Variants in MLLT3 observed in about 807,000 individuals in gnomAD.
MLLT3 encodes the protein protein AF-9.
MLLT3 carries 4 observed loss-of-function variants against 53.2 expected under a neutral mutation model. The observed-to-expected ratio is 0.08, with a 90% confidence interval of 0.04 to 0.17. The LOEUF (loss-of-function observed/expected upper bound fraction) is 0.17. Ranked by LOEUF, MLLT3 falls within the 10% of genes least tolerant of loss-of-function variation. The probability of loss-of-function intolerance (pLI) is 1.00; values close to 1 mark genes in which losing one functional copy is unlikely to be tolerated. For missense variants in MLLT3, 569 were observed against 684.0 expected (o/e 0.83, Z 1.87); for synonymous variants, 283 against 230.6 (o/e 1.23, Z -2.06).
intron 8 of MLLT3, among the ~76,000 whole-genome samples, chr9:20,358,043 G>A (rs1449967818): frequency 1.3e-5 from 2 of 149,476 alleles, no homozygotes; most frequent in Non-Finnish European, 2.9e-5. Flanking sequence ...AGTCATTCCA[G>A]AGTGAAATTT....
At chr9:20,582,775 C>G (rs891049684) in intron 2 of MLLT3, among the ~76,000 whole-genome samples, 3 of 152,136 alleles carry the variant, frequency 2.0e-5, no homozygotes, top group African/African-American at 7.2e-5. Context: ...GAGAATAACA[C>G]AGGAAAGACC....
At chr9:20,393,476 A>G (rs1450215084) in intron 5 of MLLT3, among the ~76,000 whole-genome samples, 2 of 152,194 alleles carry the variant, frequency 1.3e-5, no homozygotes, top group African/African-American at 4.8e-5. Context: ...TTAGAACGCT[A>G]TCTTTAACTG....
At chr9:20,406,454 A>G (rs1408951753) in intron 5 of MLLT3, among the ~76,000 whole-genome samples, 1 of 152,244 alleles carries the variant, frequency 6.6e-6, no homozygotes, top group Non-Finnish European at 1.5e-5. Context: ...CAAACCATTA[A>G]ACACATCTAG....
At chr9:20,580,923 C>A (rs933386034) in intron 2 of MLLT3, among the ~76,000 whole-genome samples, 1 of 152,204 alleles carries the variant, frequency 6.6e-6, no homozygotes, top group African/African-American at 2.4e-5. Context: ...CCTCTGTCAA[C>A]ATATTTTGTT....
intron 2 of MLLT3, among the ~76,000 whole-genome samples, chr9:20,552,897 A>T (rs1364384109): frequency 6.6e-6 from 1 of 152,156 alleles, no homozygotes. Context: ...TAAAGGTACA[A>T]CCTAAATGTT....
intron 2 of MLLT3, among the ~76,000 whole-genome samples, chr9:20,603,934 A>C (rs1289473215): frequency 6.6e-6 from 1 of 152,098 alleles, no homozygotes; most frequent in East Asian, 1.9e-4. Context: ...AATTTGCCTC[A>C]ATAGTTTTCA....
At chr9:20,523,303 C>T (rs964909755) in intron 2 of MLLT3, among the ~76,000 whole-genome samples, 1 of 152,234 alleles carries the variant, frequency 6.6e-6, no homozygotes, top group Non-Finnish European at 1.5e-5. Flanking sequence ...CTTTGGAAGA[C>T]ATTTGGCAGT....
intron 2 of MLLT3, among the ~76,000 whole-genome samples, chr9:20,609,590 T>C (rs1006369829): frequency 1.3e-5 from 2 of 152,122 alleles, no homozygotes; most frequent in African/African-American, 2.4e-5. Flanking sequence ...TCTAATGGCA[T>C]GGTCAAGAGC....
intron 4 of MLLT3, among the ~76,000 whole-genome samples, chr9:20,431,114 T>TA (rs1438156719): frequency 2.0e-5 from 3 of 152,140 alleles, no homozygotes; most frequent in African/African-American, 7.2e-5. Flanking sequence ...CATGAGACTC[T>TA]AAATTGCTAT....
intron 3 of MLLT3, among the ~76,000 whole-genome samples, chr9:20,449,198 C>T (rs181152998): frequency 1.6e-4 from 24 of 152,176 alleles, no homozygotes; most frequent in Admixed American, 1.6e-3. Context: ...CACCATTTAC[C>T]CTGCTGGATC....
At chr9:20,563,238 G>A (rs1587072447) in intron 2 of MLLT3, among the ~76,000 whole-genome samples, 5 of 151,978 alleles carry the variant, frequency 3.3e-5, no homozygotes, top group Non-Finnish European at 1.5e-5. Context: ...GTAACATGTC[G>A]TGGAGGAACA....
At position 20,398,843 on chromosome 9, in the gene MLLT3, T is replaced by C. The variant is rs186017245; in HGVS notation, c.1125+14878A>G. On this transcript the variant is annotated intron_variant, in intron 5 of 10. Transcript: ENST00000380338. The stretch of plus-strand genomic sequence containing the variant: ...TCAATAAAAGATTAGTTTGTGGTCC[T>C]TGCTGCCCCTGTGTTATTTTTGTGG... Among the ~76,000 whole-genome samples the C allele has an allele frequency of 2.8e-4, 43 of 152,278 alleles. 2 individuals are homozygous for C. In the East Asian group the frequency reaches 6.9e-3, roughly 25 times the overall value.
At chr9:20,445,949 G>T (rs950001199) in intron 4 of MLLT3, among the ~76,000 whole-genome samples, 1 of 152,066 alleles carries the variant, frequency 6.6e-6, no homozygotes, top group Admixed American at 6.6e-5. Context: ...ACCATGATAG[G>T]CTGCATTAAT....
At chr9:20,469,483 C>T (rs1824319830) in intron 2 of MLLT3, among the ~76,000 whole-genome samples, 1 of 151,998 alleles carries the variant, frequency 6.6e-6, no homozygotes, top group Non-Finnish European at 1.5e-5. Flanking sequence ...TGCAGTCAAT[C>T]TTAATAGTAT....
intron 2 of MLLT3, among the ~76,000 whole-genome samples, chr9:20,614,771 C>A (rs980385304): frequency 1.3e-5 from 2 of 152,070 alleles, no homozygotes; most frequent in Non-Finnish European, 2.9e-5. Flanking sequence ...AAGAAAAGTT[C>A]TATATCTTAG....
chr9:20,357,785 T>C, intron 8 of MLLT3, among the ~76,000 whole-genome samples: 1 of 152,192 alleles, frequency 6.6e-6, no homozygotes, highest in Non-Finnish European at 1.5e-5. Context: ...TGGTGCTTTA[T>C]CAAACTCAGA....
At chr9:20,476,565 A>C (rs1293666945) in intron 2 of MLLT3, among the ~76,000 whole-genome samples, 5 of 152,198 alleles carry the variant, frequency 3.3e-5, no homozygotes, top group Admixed American at 1.3e-4. Flanking sequence ...ATGGTAATAC[A>C]TACAATTATA....
intron 4 of MLLT3, among the ~76,000 whole-genome samples, chr9:20,437,450 A>G (rs780635243): frequency 2.0e-5 from 3 of 152,194 alleles, no homozygotes; most frequent in Non-Finnish European, 4.4e-5. Context: ...AAAAGAAGAG[A>G]TTTCAGATAA....
rs574175833 is a variant in MLLT3 at position 20,595,344 on chromosome 9, C to T, written c.193+25310G>A. ...TTCATACATACCACTGCACTCCAGC[C>T]TGAGTGACAGAGCAAGACCCTATCT... On this transcript the variant is annotated intron_variant, in intron 2 of 10. Coordinates refer to ENST00000380338, the MANE Select transcript of MLLT3 (RefSeq NM_004529.4). 7.2e-5 allele frequency among the ~76,000 whole-genome samples: 11 copies of T among 151,934 alleles called. No individual in the cohort carries two copies. In the East Asian group the frequency reaches 2.1e-3, roughly 29 times the overall value.
Sources: gnomAD v4.1 joint callset for allele counts (sites outside exome capture counted in the v4.1 genomes callset) on GRCh38, gnomAD v4.1.1 for gene constraint, MANE v1.5 for transcripts, NCBI Gene and HGNC (gene_info 2026-07-23, HGNC 2026-07-21) for gene names.